ABCC1: variants seen among roughly 807,000 people sequenced by gnomAD.
The protein encoded by ABCC1 is ATP binding cassette subfamily C member 1 (ABCC1 blood group), also known as multidrug resistance-associated protein 1.
In ABCC1, 83 loss-of-function variants were observed where a neutral mutation model predicts 172.9. That is an observed-to-expected ratio of 0.48 (90% CI 0.40 to 0.58). ABCC1 has a LOEUF of 0.58. ABCC1 is among the 20% of genes least tolerant of loss of function. The pLI is 0.00. For missense variants in ABCC1, 1,817 were observed against 2,002.7 expected, an observed-to-expected ratio of 0.91 and a Z score of 1.77; for synonymous variants, 937 against 825.2, an observed-to-expected ratio of 1.14 and a Z score of -2.32.
chr16:16,016,438 G>C, intron 4 of ABCC1, 58 bp from the exon 5 acceptor site: 2 of 1,604,896 alleles, frequency 1.2e-6, no homozygotes, highest in South Asian at 1.1e-5. Flanking sequence ...ACAGGCGTGA[G>C]CCACCACACC....
intron 16 of ABCC1, among the ~76,000 whole-genome samples, chr16:16,081,874 G>T (rs533690194): frequency 9.9e-5 from 15 of 152,022 alleles, no homozygotes; most frequent in African/African-American, 3.6e-4. Context: ...ACAAAAATTA[G>T]TGGGCCTGGT....
chr16:16,098,729 G>A lies in ABCC1; in HGVS notation c.2645-3898G>A, dbSNP rs143172811. 3,340 of 653,150 alleles carry A rather than the reference G, an allele frequency of 5.1e-3. 22 individuals are homozygous for A. Among genetic ancestry groups the A allele is most frequent in the Middle Eastern group, 0.023 (76 of 3,298 alleles). The allele number at this position is 653,150 out of a possible 1,614,324, so 40.5% of individuals were successfully genotyped here. ...GCACGTGTGGGATGGGGAAACTGAC[G>A]CACAAATGGAGCAGACCCTTCAGCC... On this transcript the variant is annotated intron_variant, in intron 19 of 30. Transcript: ENST00000399410.
chr16:15,990,612 G>A (rs1262259379), intron 1 of ABCC1, among the ~76,000 whole-genome samples: 7 of 151,886 alleles, frequency 4.6e-5, no homozygotes, highest in Non-Finnish European at 8.8e-5. Context: ...TTAGCATAAT[G>A]TTCTCCAGGC....
chr16:15,957,690 G>A (rs1378245378), intron 1 of ABCC1, among the ~76,000 whole-genome samples: 2 of 152,078 alleles, frequency 1.3e-5, no homozygotes, highest in African/African-American at 4.8e-5. Context: ...CTGCCTCCTG[G>A]GTTCAAGCAA....
rs750999445 is a variant in ABCC1 at position 16,033,211 on chromosome 16, GTGAATGAA to G, written c.677+54_677+61del. The G allele has an allele frequency of 2.6e-6, 4 of 1,559,740 alleles. No individual in the cohort carries two copies. The East Asian group carries it at 9.0e-5, about 35-fold the overall frequency. ...CCAGACCTCAGGGAGGTGGTGGGGA[GTGAATGAA>G]TGAATGAATGAACGAATGAACATGC... is the stretch of plus-strand genomic sequence containing the variant. On this transcript the variant is annotated intron_variant, in intron 6 of 30. Transcript: ENST00000399410.
intron 1 of ABCC1, among the ~76,000 whole-genome samples, chr16:15,976,973 C>A (rs2046510193): frequency 6.6e-6 from 1 of 152,182 alleles, no homozygotes; most frequent in African/African-American, 2.4e-5. Context: ...TCACTCCTTT[C>A]AACCCTGCCT....
At chr16:15,993,842 G>T (rs2046960408) in intron 1 of ABCC1, among the ~76,000 whole-genome samples, 1 of 152,142 alleles carries the variant, frequency 6.6e-6, no homozygotes, top group African/African-American at 2.4e-5. Flanking sequence ...TTTGGAATCT[G>T]TGAGGCCTGA....
chr16:15,983,399 G>T (rs193045511), intron 1 of ABCC1, among the ~76,000 whole-genome samples: 9 of 152,190 alleles, frequency 5.9e-5, no homozygotes, highest in Non-Finnish European at 1.2e-4. Context: ...GAAGGGACTG[G>T]GGCTGTGTTT....
At chr16:16,019,955 G>A (rs764485506) in intron 5 of ABCC1, among the ~76,000 whole-genome samples, 6 of 152,050 alleles carry the variant, frequency 3.9e-5, no homozygotes, top group Admixed American at 2.0e-4. Context: ...TTGCAGTCTC[G>A]CTCTGTCGCC....
chr16:15,955,696 T>G (rs1036542592), intron 1 of ABCC1, among the ~76,000 whole-genome samples: 3 of 152,090 alleles, frequency 2.0e-5, no homozygotes, highest in Admixed American at 2.0e-4. Flanking sequence ...TCCCGTTCTT[T>G]CCCTCCACTA....
intron 18 of ABCC1, 104 bp from the exon 19 acceptor site, chr16:16,090,301 C>A: frequency 7.8e-7 from 1 of 1,275,508 alleles, no homozygotes; most frequent in Non-Finnish European, 1.0e-6. Flanking sequence ...GAGTTTTGCC[C>A]ACCAGGTGTT....
intron 14 of ABCC1, among the ~76,000 whole-genome samples, chr16:16,072,290 C>G (rs2050377804): frequency 6.6e-6 from 1 of 151,658 alleles, no homozygotes; most frequent in Admixed American, 6.6e-5. Flanking sequence ...AGGTGATCCT[C>G]TGACCTTAGC....
At chr16:15,950,227 G>A (rs2045837179) in intron 1 of ABCC1, among the ~76,000 whole-genome samples, 1 of 92,902 alleles carries the variant, frequency 1.1e-5, no homozygotes, top group South Asian at 3.7e-4. Flanking sequence ...AAAATACTCC[G>A]TGACCAACGG....
chr16:16,001,368 A>T (rs572365727), intron 1 of ABCC1, among the ~76,000 whole-genome samples: 1 of 152,044 alleles, frequency 6.6e-6, no homozygotes, highest in East Asian at 1.9e-4. Flanking sequence ...GCCCGCCACC[A>T]CGCCCGGCTA....
At chr16:16,120,466 G>A (rs1792552194) in intron 23 of ABCC1, among the ~76,000 whole-genome samples, 1 of 152,176 alleles carries the variant, frequency 6.6e-6, no homozygotes, top group Admixed American at 6.5e-5. Flanking sequence ...GAGGCTCTTG[G>A]TGCCTGGCAC....
At chr16:15,995,011 A>G (rs2047008995) in intron 1 of ABCC1, among the ~76,000 whole-genome samples, 1 of 150,882 alleles carries the variant, frequency 6.6e-6, no homozygotes. Context: ...GGCGTCTGTA[A>G]TCCCAGGTAC....
intron 5 of ABCC1, among the ~76,000 whole-genome samples, chr16:16,018,506 A>G (rs941864627): frequency 3.3e-5 from 5 of 152,204 alleles, no homozygotes; most frequent in African/African-American, 1.2e-4. Flanking sequence ...CAGAGATCAC[A>G]CCACTGCGCT....
chr16:16,103,065 C>T (rs771891099), intron 20 of ABCC1, among the ~76,000 whole-genome samples: 1 of 152,142 alleles, frequency 6.6e-6, no homozygotes, highest in Non-Finnish European at 1.5e-5. Flanking sequence ...AAAACTGTCT[C>T]AAGGCCAGGT....
At chr16:15,964,135 A>G (rs2046196205) in intron 1 of ABCC1, among the ~76,000 whole-genome samples, 1 of 151,920 alleles carries the variant, frequency 6.6e-6, no homozygotes, top group Non-Finnish European at 1.5e-5. Context: ...TAGAGACAGG[A>G]TTTCACCATG....
Sources: gnomAD v4.1 joint callset for allele counts (sites outside exome capture counted in the v4.1 genomes callset) on GRCh38, gnomAD v4.1.1 for gene constraint, MANE v1.5 for transcripts, NCBI Gene and HGNC (gene_info 2026-07-23, HGNC 2026-07-21) for gene names.